Variants in MBNL1 observed in about 807,000 individuals in gnomAD.
The protein encoded by MBNL1 is muscleblind like splicing regulator 1.
In MBNL1, 8 loss-of-function variants were observed where a neutral mutation model predicts 42.2. That is an observed-to-expected ratio of 0.19 (90% confidence interval 0.11 to 0.34). The LOEUF is 0.34. Ranked by LOEUF, MBNL1 falls within the 10% of genes least tolerant of loss-of-function variation. The probability of loss-of-function intolerance (pLI) is 1.00; values close to 1 mark genes in which losing one functional copy is unlikely to be tolerated. For missense variants in MBNL1, 309 were observed against 495.3 expected, an observed-to-expected ratio of 0.62 and a Z score of 3.57; for synonymous variants, 169 against 173.9, an observed-to-expected ratio of 0.97 and a Z score of 0.22.
chr3:152,391,068 G>A (rs991310055), intron 2 of MBNL1, among the ~76,000 whole-genome samples: 22 of 152,146 alleles, frequency 1.4e-4, no homozygotes, highest in African/African-American at 4.8e-4. Context: ...ACCTTATCAG[G>A]GAGATAGTAT....
At chr3:152,437,002 G>A (rs2099087391) in intron 4 of MBNL1, among the ~76,000 whole-genome samples, 1 of 152,174 alleles carries the variant, frequency 6.6e-6, no homozygotes, top group East Asian at 1.9e-4. Flanking sequence ...TCTGCTCTGT[G>A]CTTGTGATTT....
intron 2 of MBNL1, among the ~76,000 whole-genome samples, chr3:152,256,682 G>C (rs1029249926): frequency 2.0e-5 from 3 of 152,146 alleles, no homozygotes; most frequent in Non-Finnish European, 4.4e-5. Context: ...GTTGAGGGCT[G>C]TGATTTGGAG....
chr3:152,336,209 A>G (rs1451201576), intron 2 of MBNL1, among the ~76,000 whole-genome samples: 1 of 136,370 alleles, frequency 7.3e-6, no homozygotes, highest in East Asian at 1.9e-4. Context: ...GAATAAACCT[A>G]CAATTTCTGA....
At chr3:152,252,935 T>C (rs952818669) in intron 2 of MBNL1, among the ~76,000 whole-genome samples, 1 of 152,134 alleles carries the variant, frequency 6.6e-6, no homozygotes, top group Admixed American at 6.6e-5. Flanking sequence ...AAATTCATAA[T>C]AGGAAGAGAA....
intron 2 of MBNL1, among the ~76,000 whole-genome samples, chr3:152,362,283 C>T (rs944497270): frequency 1.3e-5 from 2 of 152,158 alleles, no homozygotes; most frequent in Non-Finnish European, 1.5e-5. Flanking sequence ...CACTGCCGCG[C>T]GGATCCACTG....
In MBNL1 at chr3:152,432,818, C is replaced by A. The variant is rs748707624; in HGVS notation, c.447C>A (p.Ile149=). 11 of 1,614,096 alleles carry A rather than the reference C, an allele frequency of 6.8e-6. No individual in the cohort carries two copies. Among genetic ancestry groups the A allele is most frequent in the Non-Finnish European group, 9.3e-6 (11 of 1,180,030 alleles). Residue 149 remains isoleucine (I), a synonymous_variant, in exon 4 of 10, where the codon ATC becomes ATA. Transcript: ENST00000324210. ...PVSPSLVPAE[I]LPTAPMLVTG... ...CTCCAAGCCTGGTCCCGGCAGAGAT[C>A]TTGCCGACTGCACCAATGTTGGTTA...
At chr3:152,426,918 T>G (rs2098940531) in intron 3 of MBNL1, among the ~76,000 whole-genome samples, 1 of 152,258 alleles carries the variant, frequency 6.6e-6, no homozygotes, top group Admixed American at 6.5e-5. Context: ...AAGCATTTGT[T>G]GCCATTCAGA....
chr3:152,255,306 G>A (rs988690074), intron 2 of MBNL1, among the ~76,000 whole-genome samples: 5 of 152,006 alleles, frequency 3.3e-5, no homozygotes, highest in Admixed American at 6.6e-5. Context: ...GAAGAGTCCA[G>A]AAAATTTTCA....
intron 2 of MBNL1, among the ~76,000 whole-genome samples, chr3:152,361,479 G>T (rs2095946912): frequency 6.6e-6 from 1 of 150,998 alleles, no homozygotes; most frequent in Non-Finnish European, 1.5e-5. Context: ...AGTCAAGGAA[G>T]CATGAAAAAG....
At chr3:152,322,335 T>C (rs1003185493) in intron 2 of MBNL1, among the ~76,000 whole-genome samples, 3 of 152,090 alleles carry the variant, frequency 2.0e-5, no homozygotes, top group African/African-American at 7.2e-5. Flanking sequence ...GCCATAACTT[T>C]CCTTGCCCCA....
chr3:152,335,187 C>G, intron 2 of MBNL1: 1 of 1,289,690 alleles, frequency 7.8e-7, no homozygotes, highest in Non-Finnish European at 1.0e-6. Context: ...GAAGCTGTAT[C>G]TTATCTATGG....
chr3:152,308,646 C>T (rs547533938), intron 2 of MBNL1, among the ~76,000 whole-genome samples: 12 of 152,184 alleles, frequency 7.9e-5, no homozygotes, highest in Middle Eastern at 3.4e-3. Context: ...GAATGTAGTG[C>T]TCATTGATCC....
At chr3:152,329,834 A>T (rs2083102798) in intron 2 of MBNL1, among the ~76,000 whole-genome samples, 1 of 150,566 alleles carries the variant, frequency 6.6e-6, no homozygotes, top group African/African-American at 2.4e-5. Context: ...ATATCATGGG[A>T]TATATGTGCT....
At chr3:152,444,275 T>C (rs1185126736) in intron 4 of MBNL1, among the ~76,000 whole-genome samples, 1 of 152,296 alleles carries the variant, frequency 6.6e-6, no homozygotes, top group East Asian at 1.9e-4. Context: ...TGCTTTTAAA[T>C]AGTAAGAGTC....
chr3:152,303,333 C>T (rs2061513516), intron 2 of MBNL1, among the ~76,000 whole-genome samples: 1 of 152,100 alleles, frequency 6.6e-6, no homozygotes, highest in African/African-American at 2.4e-5. Flanking sequence ...AGTATATAAA[C>T]AATACTCTAA....
intron 2 of MBNL1, among the ~76,000 whole-genome samples, chr3:152,395,622 C>T (rs1194163007): frequency 6.6e-6 from 1 of 152,186 alleles, no homozygotes; most frequent in African/African-American, 2.4e-5. Context: ...TAAGGAGTGT[C>T]TTCCTGAAAT....
intron 1 of MBNL1, among the ~76,000 whole-genome samples, chr3:152,292,179 T>G (rs1288112294): frequency 1.3e-5 from 2 of 152,208 alleles, no homozygotes; most frequent in Admixed American, 6.5e-5. Flanking sequence ...AGTGATTCAT[T>G]GTGATAATTA....
Position 152,300,073 on chromosome 3 carries a change from A to G in MBNL1, c.-121A>G, listed in dbSNP as rs1021924098. The stretch of plus-strand genomic sequence containing the variant: ...ACTTTTAAAGCAGGGAGTGGGGAAA[A>G]GTATTTTGAGGGGACATTTTCATCA... On this transcript the variant is annotated 5_prime_UTR_variant, in exon 2 of 10. Coordinates refer to ENST00000324210, the MANE Select transcript of MBNL1 (RefSeq NM_021038.5). The G allele has an allele frequency of 8.6e-6, 5 of 579,576 alleles. No homozygotes were observed. Among genetic ancestry groups the G allele is most frequent in the Non-Finnish European group, 1.2e-5 (4 of 333,024 alleles). The allele number at this position is 579,576 out of a possible 1,614,324, so 35.9% of individuals were successfully genotyped here.
chr3:152,278,574 C>G (rs2046607512), intron 1 of MBNL1, among the ~76,000 whole-genome samples: 1 of 152,058 alleles, frequency 6.6e-6, no homozygotes, highest in South Asian at 2.1e-4. Flanking sequence ...ATGACTTTCT[C>G]AGAGTGATAT....
Sources: allele counts gnomAD v4.1 joint callset (sites outside exome capture counted in the v4.1 genomes callset), GRCh38; gene constraint gnomAD v4.1.1; transcripts MANE v1.5; gene names NCBI Gene and HGNC (gene_info 2026-07-23, HGNC 2026-07-21).